Variants in PARK7 observed in about 807,000 individuals in gnomAD.
PARK7 encodes Parkinson disease protein 7.
In PARK7, 14 loss-of-function variants were observed where a neutral mutation model predicts 20.5. That is an observed-to-expected ratio of 0.68 (90% CI 0.45 to 1.07). The LOEUF is 1.07. PARK7 is among the 50% of genes least tolerant of loss of function. PARK7 has a pLI of 0.00. For missense variants in PARK7, 234 were observed against 238.1 expected, an observed-to-expected ratio of 0.98 and a Z score of 0.11; for synonymous variants, 98 against 84.3, an observed-to-expected ratio of 1.16 and a Z score of -0.89.
Position 7,969,349 on chromosome 1 carries a change from C to A in PARK7, c.197C>A (p.Pro66Gln), listed in dbSNP as rs1306142962. The A allele has an allele frequency of 6.2e-7, 1 of 1,611,206 alleles. No individual in the cohort carries two copies. The highest frequency in any genetic ancestry group is 1.3e-5 in the African/African-American group (1 of 74,842). ...ASLEDAKKEG[P>Q]YDVVVLPGGN... Reference sequence around the variant, plus strand: ...TTATGTTTTAAACTGTTACAGGGACCATATGATGTGGTGGTTCTACCAGGA... The same window carrying A: ...TTATGTTTTAAACTGTTACAGGGACAATATGATGTGGTGGTTCTACCAGGA... Residue 66 changes from proline (P) to glutamine (Q), a missense_variant, in exon 4 of 7, where the codon CCA becomes CAA. Coordinates refer to ENST00000338639, the MANE Select transcript of PARK7 (RefSeq NM_007262.5).
intron 1 of PARK7, 54 bp from the exon 2 acceptor site, chr1:7,962,709 T>C (rs989966537): frequency 8.3e-6 from 10 of 1,211,254 alleles, no homozygotes; most frequent in Middle Eastern, 2.7e-4. Context: ...TTTTGGGGTA[T>C]CTCAGGGTTG....
chr1:7,965,687 G>C (rs897696396), intron 3 of PARK7, among the ~76,000 whole-genome samples: 5 of 152,120 alleles, frequency 3.3e-5, no homozygotes, highest in African/African-American at 1.2e-4. Flanking sequence ...GGGTGGGTTG[G>C]TGCTTAGATG....
chr1:7,973,963 G>A (rs1640518769), intron 5 of PARK7, among the ~76,000 whole-genome samples: 1 of 150,942 alleles, frequency 6.6e-6, no homozygotes, highest in East Asian at 1.9e-4. Context: ...GCTGAGGCTA[G>A]ATGGAATGCC....
At chr1:7,972,867 C>T (rs1214950306) in intron 5 of PARK7, among the ~76,000 whole-genome samples, 2 of 152,046 alleles carry the variant, frequency 1.3e-5, no homozygotes, top group South Asian at 2.1e-4. Context: ...GGTGAAACCC[C>T]GTCTCTACTA....
intron 5 of PARK7, among the ~76,000 whole-genome samples, chr1:7,974,384 C>CT (rs1437027466): frequency 3.9e-5 from 6 of 151,918 alleles, no homozygotes; most frequent in Non-Finnish European, 7.4e-5. Flanking sequence ...AATCCCAGCA[C>CT]TTTGGGAGGC....
At chr1:7,970,617 T>C (rs1412655892) in intron 4 of PARK7, among the ~76,000 whole-genome samples, 2 of 152,200 alleles carry the variant, frequency 1.3e-5, no homozygotes, top group Non-Finnish European at 2.9e-5. Flanking sequence ...CATTTCTTTC[T>C]CCCTGGAGTA....
At chr1:7,971,957 A>G (rs1640474945) in intron 5 of PARK7, 1 of 152,196 alleles carries the variant, frequency 6.6e-6, no homozygotes, top group Admixed American at 6.5e-5. Flanking sequence ...AATAAAATAA[A>G]ATAAATATTT....
At chr1:7,969,455 A>G (rs560404783) in intron 4 of PARK7, 51 bp downstream of exon 4, 67 of 1,239,984 alleles carry the variant, frequency 5.4e-5, no homozygotes, top group South Asian at 3.2e-4. Flanking sequence ...GGGGGGAAAA[A>G]CTAAAGAATT....
chr1:7,972,881 A>G (rs1013306079), intron 5 of PARK7, among the ~76,000 whole-genome samples: 6 of 152,142 alleles, frequency 3.9e-5, no homozygotes, highest in African/African-American at 1.4e-4. Flanking sequence ...TCTACTAAAA[A>G]TACAAAAGTT....
At position 7,977,739 on chromosome 1, in the gene PARK7, G is replaced by T; in HGVS notation, c.409+1G>T. 6.2e-7 allele frequency: 1 copy of T among 1,612,478 alleles called. No individual in the cohort carries two copies. Among genetic ancestry groups the T allele is most frequent in the Non-Finnish European group, 8.5e-7 (1 of 1,178,552 alleles). ...GCTAAAGACAAAATGATGAATGGAG[G>T]TAAGTATATGCTTGTTTTTGTTTGT... On this transcript the variant is annotated splice_donor_variant, in intron 6 of 6. Transcript: ENST00000338639. LOFTEE classifies it high-confidence loss of function.
At chr1:7,971,257 G>A in intron 5 of PARK7, 1 of 443,034 alleles carries the variant, frequency 2.3e-6, no homozygotes, top group Non-Finnish European at 4.2e-6. Context: ...GCTTGTTACA[G>A]CAAGTCTCTG....
Position 7,985,225 on chromosome 1 carries a change from TTG to T in PARK7, c.*175_*176del, listed in dbSNP as rs1640795990. The T allele has an allele frequency of 8.0e-6, 7 of 871,834 alleles. No homozygotes were observed. The highest frequency in any genetic ancestry group is 1.3e-5 in the Non-Finnish European group (7 of 553,190). The allele number at this position is 871,834 out of a possible 1,614,324, so 54.0% of individuals were successfully genotyped here. ...ACACAGAGATTTCTCAGCCTACAAA[TTG>T]TGTCTATACATTTCTAAGCCTTGTT... On this transcript the variant is annotated 3_prime_UTR_variant, in exon 7 of 7. Coordinates refer to ENST00000338639, the MANE Select transcript of PARK7 (RefSeq NM_007262.5).
chr1:7,981,963 GC>G (rs1640720212), intron 6 of PARK7, among the ~76,000 whole-genome samples: 1 of 120,092 alleles, frequency 8.3e-6, no homozygotes, highest in Non-Finnish European at 1.7e-5. Context: ...CAGCCCCCCC[GC>G]CTTTTTTTTT....
intron 5 of PARK7, among the ~76,000 whole-genome samples, chr1:7,972,781 G>A (rs1640492119): frequency 6.6e-6 from 1 of 152,136 alleles, no homozygotes; most frequent in Admixed American, 6.5e-5. Flanking sequence ...GTGCACGCCT[G>A]TAATCCCAGC....
intron 3 of PARK7, 103 bp downstream of exon 3, chr1:7,965,528 G>T: frequency 9.8e-7 from 1 of 1,021,040 alleles, no homozygotes; most frequent in Admixed American, 1.9e-5. Flanking sequence ...AAATTATTTT[G>T]CTTGAATGTC....
intron 6 of PARK7, among the ~76,000 whole-genome samples, chr1:7,982,637 C>T (rs1012393179): frequency 1.3e-5 from 2 of 152,166 alleles, no homozygotes; most frequent in Non-Finnish European, 2.9e-5. Context: ...TACAGTTGTG[C>T]CTCGCGTTGT....
chr1:7,983,577 C>T (rs145163844), intron 6 of PARK7, among the ~76,000 whole-genome samples: 5 of 152,240 alleles, frequency 3.3e-5, no homozygotes, highest in African/African-American at 4.8e-5. Flanking sequence ...AAGGCCAGAC[C>T]GCAGAGGGCT....
chr1:7,962,833 A>G lies in PARK7; in HGVS notation c.48A>G (p.Glu16=), dbSNP rs771692484. 5.1e-5 allele frequency: 83 copies of G among 1,613,720 alleles called. No individual in the cohort carries two copies. The highest frequency in any genetic ancestry group is 6.9e-5 in the Non-Finnish European group (81 of 1,179,950). Residue 16 remains glutamate (E), a synonymous_variant, in exon 2 of 7, where the codon GAA becomes GAG. Transcript: ENST00000338639. ...ALVILAKGAE[E]METVIPVDVM... ...TCATCCTGGCTAAAGGAGCAGAGGAAATGGAGACGGTCATCCCTGTAGATG... is the reference window on the plus strand; with the variant it reads ...TCATCCTGGCTAAAGGAGCAGAGGAGATGGAGACGGTCATCCCTGTAGATG...
At position 7,985,264 on chromosome 1, in the gene PARK7, CAG is replaced by C. The variant is rs1296748620; in HGVS notation, c.*211_*212del. On this transcript the variant is annotated 3_prime_UTR_variant, in exon 7 of 7. Coordinates refer to ENST00000338639, the MANE Select transcript of PARK7 (RefSeq NM_007262.5). ...TTCTAAGCCTTGTTTGCAGAATAAACAGGGCATTTAGCAAACTACTGATTGTT... is the reference window on the plus strand; with the variant it reads ...TTCTAAGCCTTGTTTGCAGAATAAACGGCATTTAGCAAACTACTGATTGTT... 1.6e-5 allele frequency: 10 copies of C among 633,792 alleles called. No homozygotes were observed. The highest frequency in any genetic ancestry group is 2.7e-5 in the Non-Finnish European group (10 of 371,782). The allele number at this position is 633,792 out of a possible 1,614,324, so 39.3% of individuals were successfully genotyped here. A position where few individuals can be genotyped will look rare whatever the true frequency, so the allele number is the denominator to read the frequency against.
Sources: allele counts gnomAD v4.1 joint callset (sites outside exome capture counted in the v4.1 genomes callset), GRCh38; gene constraint gnomAD v4.1.1; transcripts MANE v1.5; gene names NCBI Gene and HGNC (gene_info 2026-07-23, HGNC 2026-07-21).